Variants in MDGA2 observed in about 807,000 individuals in gnomAD.
MDGA2 encodes the protein MAM domain-containing glycosylphosphatidylinositol anchor protein 2.
In MDGA2, 40 loss-of-function variants were observed where a neutral mutation model predicts 117.8. That is an observed-to-expected ratio of 0.34 (90% CI 0.26 to 0.44). The LOEUF (loss-of-function observed/expected upper bound fraction) is 0.44. Among genes scored for constraint, MDGA2 ranks in the 20% least tolerant of loss-of-function variants. The probability of loss-of-function intolerance (pLI) is 1.00; values close to 1 mark genes in which losing one functional copy is unlikely to be tolerated. For missense variants in MDGA2, 1,123 were observed against 1,250.6 expected (o/e 0.90, Z 1.54); for synonymous variants, 452 against 439.0 (o/e 1.03, Z -0.37).
At chr14:47,182,582 C>T (rs1884750976) in intron 3 of MDGA2, among the ~76,000 whole-genome samples, 1 of 152,106 alleles carries the variant, frequency 6.6e-6, no homozygotes, top group Admixed American at 6.6e-5. Context: ...CCTTGAACTT[C>T]CCATCTCTAG....
chr14:47,081,683 G>T (rs1890713973), intron 6 of MDGA2, among the ~76,000 whole-genome samples: 2 of 152,060 alleles, frequency 1.3e-5, no homozygotes, highest in Non-Finnish European at 2.9e-5. Context: ...AGTATGAATG[G>T]TTCCTAAATT....
intron 9 of MDGA2, among the ~76,000 whole-genome samples, chr14:46,929,652 T>A (rs1235467026): frequency 3.0e-5 from 2 of 65,742 alleles, no homozygotes; most frequent in Non-Finnish European, 5.2e-5. Flanking sequence ...TATATACATT[T>A]TTTTTTTTTT....
chr14:47,059,323 T>C, intron 7 of MDGA2: 2 of 1,275,022 alleles, frequency 1.6e-6, no homozygotes, highest in South Asian at 1.2e-5. Flanking sequence ...GTGGGTACTT[T>C]CCAGGGGTAG....
intron 14 of MDGA2, among the ~76,000 whole-genome samples, chr14:46,857,598 A>G (rs952753282): frequency 6.6e-6 from 1 of 152,126 alleles, no homozygotes; most frequent in Non-Finnish European, 1.5e-5. Flanking sequence ...GCTCAGGGTT[A>G]TGCTGAGTTT....
intron 1 of MDGA2, among the ~76,000 whole-genome samples, chr14:47,431,936 C>G (rs11848995): frequency 6.6e-6 from 1 of 152,014 alleles, no homozygotes; most frequent in Non-Finnish European, 1.5e-5. Context: ...TTCAAAGACC[C>G]TTATGAACAA....
intron 5 of MDGA2, among the ~76,000 whole-genome samples, chr14:47,131,446 G>A (rs1468715605): frequency 6.6e-6 from 1 of 151,850 alleles, no homozygotes; most frequent in African/African-American, 2.4e-5. Context: ...CAGGATATAT[G>A]CTCGTTAGTG....
At chr14:47,217,948 G>GA in intron 3 of MDGA2, 73 bp downstream of exon 3, 3 of 1,235,066 alleles carry the variant, frequency 2.4e-6, no homozygotes, top group Non-Finnish European at 3.2e-6. Context: ...TGGTTTTTCA[G>GA]AAAACCATAG....
At chr14:47,458,168 T>TTA (rs1893401315) in intron 1 of MDGA2, among the ~76,000 whole-genome samples, 1 of 152,152 alleles carries the variant, frequency 6.6e-6, no homozygotes, top group Non-Finnish European at 1.5e-5. Context: ...CACGTGTTTC[T>TTA]TATATATAGG....
chr14:47,436,648 A>C (rs1783979999), intron 1 of MDGA2, among the ~76,000 whole-genome samples: 1 of 152,116 alleles, frequency 6.6e-6, no homozygotes, highest in Admixed American at 6.6e-5. Context: ...AATTGTCTTG[A>C]TTCACACATA....
intron 1 of MDGA2, among the ~76,000 whole-genome samples, chr14:47,601,152 C>T (rs1261205408): frequency 6.6e-6 from 1 of 152,104 alleles, no homozygotes; most frequent in Non-Finnish European, 1.5e-5. Context: ...TGGCAACCTC[C>T]TTTTGCTCTG....
intron 2 of MDGA2, among the ~76,000 whole-genome samples, chr14:47,243,758 G>A (rs1467050753): frequency 6.6e-6 from 1 of 151,692 alleles, no homozygotes; most frequent in East Asian, 1.9e-4. Flanking sequence ...AGGGTCCGAG[G>A]CTTCATTCTT....
chr14:47,296,624 TA>T (rs1303783566), intron 2 of MDGA2, among the ~76,000 whole-genome samples: 1 of 151,778 alleles, frequency 6.6e-6, no homozygotes, highest in African/African-American at 2.4e-5. Context: ...TTGACAAAAA[TA>T]AAAAAAATAC....
intron 12 of MDGA2, among the ~76,000 whole-genome samples, chr14:46,875,292 A>AT (rs1882181011): frequency 6.6e-6 from 1 of 151,800 alleles, no homozygotes; most frequent in South Asian, 2.1e-4. Context: ...GGTTGAGATC[A>AT]TGTACCTGAA....
At chr14:47,493,368 T>A (rs1894212950) in intron 1 of MDGA2, among the ~76,000 whole-genome samples, 1 of 151,196 alleles carries the variant, frequency 6.6e-6, no homozygotes, top group Non-Finnish European at 1.5e-5. Context: ...CAGATGGGAG[T>A]GCAATGCTGT....
At chr14:47,530,789 T>G (rs1895082820) in intron 1 of MDGA2, among the ~76,000 whole-genome samples, 1 of 152,156 alleles carries the variant, frequency 6.6e-6, no homozygotes, top group Non-Finnish European at 1.5e-5. Flanking sequence ...GAATCACATT[T>G]TCACTTGAAT....
intron 3 of MDGA2, among the ~76,000 whole-genome samples, chr14:47,176,640 A>C (rs921270700): frequency 4.6e-5 from 7 of 152,256 alleles, no homozygotes; most frequent in Non-Finnish European, 8.8e-5. Context: ...CACCTTATAC[A>C]AAAATTAATT....
intron 1 of MDGA2, among the ~76,000 whole-genome samples, chr14:47,507,315 T>C (rs1285675448): frequency 6.6e-6 from 1 of 152,120 alleles, no homozygotes. Context: ...ATTATGAACA[T>C]GGTTTGTGAA....
intron 1 of MDGA2, among the ~76,000 whole-genome samples, chr14:47,559,871 C>T (rs377384743): frequency 6.6e-6 from 1 of 152,128 alleles, no homozygotes; most frequent in Admixed American, 6.5e-5. Flanking sequence ...CCATGCCCAG[C>T]CAAGTATTTT....
At chr14:46,901,645 T>C (rs1883290429) in intron 10 of MDGA2, among the ~76,000 whole-genome samples, 2 of 152,250 alleles carry the variant, frequency 1.3e-5, no homozygotes, top group South Asian at 2.1e-4. Flanking sequence ...TCTTATTCCA[T>C]GCTTTTATGC....
Sources: allele counts gnomAD v4.1 joint callset (sites outside exome capture counted in the v4.1 genomes callset), GRCh38; gene constraint gnomAD v4.1.1; transcripts MANE v1.5; gene names NCBI Gene and HGNC (gene_info 2026-07-23, HGNC 2026-07-21).